Variants in FSCN2 observed in about 807,000 individuals in gnomAD.
The protein encoded by FSCN2 is fascin-2.
Under a neutral mutation model 37.8 loss-of-function variants are expected in FSCN2, and 46 were observed. The ratio of observed to expected loss-of-function variants is 1.22; its 90% CI spans 0.96 to 1.56. FSCN2 has a LOEUF of 1.56. Among genes scored for constraint, FSCN2 ranks in the 40% most tolerant of loss-of-function variants. The pLI, the probability that FSCN2 is intolerant of heterozygous loss-of-function variation, is 0.00. For synonymous variants in FSCN2, 351 were observed against 309.4 expected, an observed-to-expected ratio of 1.13 and a Z score of -1.41; for missense variants, 844 against 730.4, an observed-to-expected ratio of 1.16 and a Z score of -1.79.
rs1333865134 is a variant in FSCN2, at chr17:81,531,813, G to A, written c.826+2456G>A. 1.8e-3 allele frequency among the ~76,000 whole-genome samples: 186 copies of A among 105,558 alleles called. 13 individuals carry two copies. The highest frequency in any genetic ancestry group is 9.5e-3 in the African/African-American group (171 of 17,956). 69.3% of individuals were successfully genotyped at this position (105,558 alleles called of 152,430 possible). ...GGTGATGATGATAATGGTGATGATG[G>A]TGGTGGTGATGGTGGTGGTGGTGAT... On this transcript the variant is annotated intron_variant, in intron 1 of 4. Coordinates refer to ENST00000417245, the MANE Select transcript of FSCN2 (RefSeq NM_012418.4).
At chr17:81,532,447 T>TGATG (rs1353416150) in intron 1 of FSCN2, among the ~76,000 whole-genome samples, 1 of 87,540 alleles carries the variant, frequency 1.1e-5, no homozygotes, top group African/African-American at 3.7e-5. Context: ...GTGATGATGA[T>TGATG]GGTGATGGTG....
the FSCN2 span, among the ~76,000 whole-genome samples, chr17:81,519,979 C>T: frequency 4.5e-4 from 68 of 152,192 alleles, no homozygotes; most frequent in Non-Finnish European, 6.2e-4. Context: ...GGCAACCCAG[C>T]AGGAAAAGGT....
At position 81,537,035 on chromosome 17, in the gene FSCN2, GGCCGATGCC is replaced by G; in HGVS notation, c.1436_1444del (p.Ala479_Ala481del). ...GCGGCGGCGCCTCGGGCCTGCTGCG[GGCCGATGCC>G]GACGCCCCGGCCGGGACCGCGCTTT... On this transcript the variant is annotated inframe_deletion, in exon 5 of 5. Coordinates refer to ENST00000417245, the MANE Select transcript of FSCN2 (RefSeq NM_012418.4). The G allele has an allele frequency of 6.7e-7, 1 of 1,481,606 alleles. No individual in the cohort carries two copies. Among genetic ancestry groups the G allele is most frequent in the Non-Finnish European group, 8.9e-7 (1 of 1,123,386 alleles). 91.8% of individuals were successfully genotyped at this position (1,481,606 alleles called of 1,614,324 possible).
At chr17:81,516,548 G>A in the FSCN2 span, among the ~76,000 whole-genome samples, 13 of 152,184 alleles carry the variant, frequency 8.5e-5, no homozygotes, top group Non-Finnish European at 1.5e-4. Context: ...CAGGTCTGGA[G>A]TGGGCTCTGC....
At chr17:81,519,377 TC>T in the FSCN2 span, among the ~76,000 whole-genome samples, 1 of 151,964 alleles carries the variant, frequency 6.6e-6, no homozygotes, top group Non-Finnish European at 1.5e-5. Flanking sequence ...AGCACGCACT[TC>T]CCCCGCCGAG....
chr17:81,529,588 A>C (rs1224212051), intron 1 of FSCN2: 2 of 748,362 alleles, frequency 2.7e-6, no homozygotes, highest in Non-Finnish European at 4.9e-6. Flanking sequence ...GGTCAGAGGC[A>C]AGGGTTCCTG....
chr17:81,530,750 CATGGCT>C (rs2032523940), intron 1 of FSCN2: 1 of 370,674 alleles, frequency 2.7e-6, no homozygotes, highest in African/African-American at 2.2e-5. Flanking sequence ...GGAGCCCAGC[CATGGCT>C]ATGGGGTCCT....
chr17:81,527,944 CAG>C (rs1322362724), upstream of FSCN2, among the ~76,000 whole-genome samples: 5 of 152,196 alleles, frequency 3.3e-5, no homozygotes, highest in South Asian at 8.3e-4. Context: ...CAGCAGGAAT[CAG>C]AGAAGCAGTA....
At chr17:81,533,791 C>CA (rs2032770638) in intron 1 of FSCN2, among the ~76,000 whole-genome samples, 1 of 152,206 alleles carries the variant, frequency 6.6e-6, no homozygotes. Flanking sequence ...TGAGTAGCCC[C>CA]AGACAGCATC....
intron 1 of FSCN2, among the ~76,000 whole-genome samples, chr17:81,531,333 G>GGTGT: frequency 1.2e-5 from 1 of 86,400 alleles, no homozygotes; most frequent in Admixed American, 1.1e-4. Context: ...GGTGGTGGTG[G>GGTGT]TGATGGTGGT....
intron 1 of FSCN2, among the ~76,000 whole-genome samples, chr17:81,531,276 G>GTGGTGA (rs2032555765): frequency 1.2e-5 from 1 of 81,412 alleles, no homozygotes; most frequent in Non-Finnish European, 2.4e-5. Flanking sequence ...GGTGATGGCG[G>GTGGTGA]TGGTGATGGT....
intron 1 of FSCN2, among the ~76,000 whole-genome samples, chr17:81,531,393 ATGATGG>A (rs376501406): frequency 0.06 from 4,425 of 73,630 alleles, 102 homozygotes; most frequent in East Asian, 0.16. Flanking sequence ...GGTGATGGTG[ATGATGG>A]TGATGGTGAT....
At chr17:81,531,477 G>GTGATGGTGA (rs1568077469) in intron 1 of FSCN2, among the ~76,000 whole-genome samples, 1 of 122,588 alleles carries the variant, frequency 8.2e-6, no homozygotes, top group East Asian at 2.8e-4. Flanking sequence ...GGTGGTGGTG[G>GTGATGGTGA]TGATGGTGAT....
At chr17:81,528,091 G>T (rs566807159), upstream of FSCN2, among the ~76,000 whole-genome samples, 6 of 152,194 alleles carry the variant, frequency 3.9e-5, 1 homozygote, top group African/African-American at 1.4e-4. Context: ...AGCCCACACG[G>T]GGTTGGAGGA....
chr17:81,529,411 CAGGG>C, intron 1 of FSCN2, 54 bp downstream of exon 1: 1 of 1,362,084 alleles, frequency 7.3e-7, no homozygotes, highest in Non-Finnish European at 1.0e-6. Context: ...CCCCCTGCTT[CAGGG>C]AGGAGGCCGT....
At position 81,535,076 on chromosome 17, in the gene FSCN2, A is replaced by G. The variant is rs2032803313; in HGVS notation, c.851A>G (p.Asp284Gly). ...GGGGTCAACGTCTCAGCCAATCAGG[A>G]TGATGAACTAGACCACGAGACCTTC... ...RQGVNVSANQDDELDHETFLM... is the reference protein window; with the variant it reads ...RQGVNVSANQGDELDHETFLM... Residue 284 changes from aspartate (D) to glycine (G), a missense_variant, in exon 2 of 5, where the codon GAT (aspartate) becomes GGT (glycine). Transcript: ENST00000417245. 1.3e-6 allele frequency: 2 copies of G among 1,533,136 alleles called. No homozygotes were observed. The highest frequency in any genetic ancestry group is 1.7e-6 in the Non-Finnish European group (2 of 1,144,948). 95.0% of individuals were successfully genotyped at this position (1,533,136 alleles called of 1,614,324 possible).
chr17:81,536,887 G>A lies in FSCN2; in HGVS notation c.1286G>A (p.Gly429Glu), dbSNP rs759209396. The A allele has an allele frequency of 1.3e-6, 2 of 1,574,690 alleles. No individual in the cohort carries two copies. Among genetic ancestry groups the A allele is most frequent in the Non-Finnish European group, 1.7e-6 (2 of 1,160,294 alleles). ...TCCCGTCCCCCAGGCCGCGACGGAG[G>A]GTTCTGGTACACGGGCAGCCACGGC... ...GAYRIRGRDG[G>E]FWYTGSHGSV... The change falls in exon 5 of 5, where the codon GGG becomes GAG. Residue 429 changes from glycine (G) to glutamate (E), a missense_variant. Coordinates refer to ENST00000417245, the MANE Select transcript of FSCN2 (RefSeq NM_012418.4).
At chr17:81,535,917 A>G (rs967303084) in intron 2 of FSCN2, among the ~76,000 whole-genome samples, 1 of 139,460 alleles carries the variant, frequency 7.2e-6, no homozygotes, top group Non-Finnish European at 1.5e-5. Flanking sequence ...CGTTCCCATC[A>G]CCTGCACCAT....
the FSCN2 span, among the ~76,000 whole-genome samples, chr17:81,519,866 T>C: frequency 6.6e-6 from 1 of 152,202 alleles, no homozygotes; most frequent in Admixed American, 6.5e-5. Flanking sequence ...ACCCTGGCCC[T>C]GGGTGCGGGG....
Sources: gnomAD v4.1 joint callset for allele counts (sites outside exome capture counted in the v4.1 genomes callset) on GRCh38, gnomAD v4.1.1 for gene constraint, MANE v1.5 for transcripts, NCBI Gene and HGNC (gene_info 2026-07-23, HGNC 2026-07-21) for gene names.